The following C2CD5 variants were observed in gnomAD, a reference collection of about 807,000 sequenced individuals.
C2CD5 encodes C2 calcium dependent domain containing 5.
In C2CD5, 109 loss-of-function variants were observed where a neutral mutation model predicts 130.3. The observed-to-expected ratio is 0.84, with a 90% CI of 0.72 to 0.98. C2CD5 has a LOEUF of 0.98. Ranked by LOEUF, C2CD5 falls within the 50% of genes least tolerant of loss-of-function variation. The pLI, the probability that C2CD5 is intolerant of heterozygous loss-of-function variation, is 0.00. For missense variants in C2CD5, 996 were observed against 1,261.8 expected (o/e 0.79, Z 3.19); for synonymous variants, 454 against 429.2 (o/e 1.06, Z -0.71).
In C2CD5 at chr12:22,453,929, C is replaced by T. The variant is rs761577672; in HGVS notation, c.2991G>A (p.Gln997=). The T allele has an allele frequency of 1.9e-6, 3 of 1,613,426 alleles. No individual in the cohort carries two copies. The highest frequency in any genetic ancestry group is 1.1e-5 in the South Asian group (1 of 91,024). Residue 997 remains glutamine (Q), a synonymous_variant, in exon 26 of 27, where the codon CAG becomes CAA. Coordinates refer to ENST00000446597, the MANE Select transcript of C2CD5 (RefSeq NM_001286176.2). ...TATTTGGATTCTCCATGAAGACACA[C>T]TGCTTCATTATGTAGGAGACAACAG... The part of the protein sequence containing the change: ...GNAVVSYIMK[Q]CVFMENPNKN...
chr12:22,497,907 TACACACACACACAC>T (rs3063916), intron 10 of C2CD5, among the ~76,000 whole-genome samples: 3,473 of 145,724 alleles, frequency 0.024, 127 homozygotes, highest in African/African-American at 0.081. Context: ...TGCACACACA[TACACACACACACAC>T]ACACACACAC....
At chr12:22,528,487 T>C (rs1279008211) in intron 3 of C2CD5, among the ~76,000 whole-genome samples, 11 of 152,176 alleles carry the variant, frequency 7.2e-5, no homozygotes, top group Non-Finnish European at 5.9e-5. Context: ...TGCAAAATGA[T>C]TTCCTCATGG....
intron 22 of C2CD5, among the ~76,000 whole-genome samples, chr12:22,466,833 G>A (rs1254691826): frequency 6.6e-6 from 1 of 152,218 alleles, no homozygotes; most frequent in Admixed American, 6.5e-5. Flanking sequence ...ACTTAGTATA[G>A]AAAGTTTTAC....
At chr12:22,523,855 TATAGA>T (rs1950493663) in intron 6 of C2CD5, among the ~76,000 whole-genome samples, 1 of 151,404 alleles carries the variant, frequency 6.6e-6, no homozygotes, top group African/African-American at 2.4e-5. Context: ...AGCACAAATA[TATAGA>T]ATAAAAACAA....
intron 13 of C2CD5, among the ~76,000 whole-genome samples, chr12:22,483,798 G>C (rs553330954): frequency 6.6e-6 from 1 of 152,220 alleles, no homozygotes; most frequent in South Asian, 2.1e-4. Context: ...ACTGGATAGA[G>C]AAAGGTACCA....
rs1241004571 is a variant in C2CD5, at chr12:22,490,105, C to T, written c.1358+18G>A. ...CTTCTCTGCCCTTATAGAAAATAAG[C>T]CAGGCTGCCATGACAACCTCTGTTC... On this transcript the variant is annotated intron_variant, in intron 12 of 26. Coordinates refer to ENST00000446597, the MANE Select transcript of C2CD5 (RefSeq NM_001286176.2). The T allele has an allele frequency of 3.1e-6, 5 of 1,588,566 alleles. No homozygotes were observed. The South Asian group carries it at 5.5e-5, about 18-fold the overall frequency.
At chr12:22,471,666 A>G (rs551700712) in intron 19 of C2CD5, among the ~76,000 whole-genome samples, 178 bp from the exon 20 acceptor site, 27 of 152,174 alleles carry the variant, frequency 1.8e-4, no homozygotes, top group African/African-American at 6.5e-4. Flanking sequence ...TAAGTAGACA[A>G]TAAGATTTAA....
intron 11 of C2CD5, among the ~76,000 whole-genome samples, chr12:22,491,258 C>A (rs1946312386): frequency 6.6e-6 from 1 of 152,198 alleles, no homozygotes; most frequent in East Asian, 1.9e-4. Context: ...TTTGCAGACT[C>A]CTCCATCTGT....
intron 13 of C2CD5, among the ~76,000 whole-genome samples, chr12:22,483,701 GA>G (rs1945054382): frequency 6.6e-6 from 1 of 152,108 alleles, no homozygotes; most frequent in East Asian, 1.9e-4. Flanking sequence ...CATTTTAGAA[GA>G]AAAATCAACG....
At chr12:22,451,442 C>G (rs1263589118) in intron 26 of C2CD5, among the ~76,000 whole-genome samples, 1 of 152,020 alleles carries the variant, frequency 6.6e-6, no homozygotes, top group Non-Finnish European at 1.5e-5. Flanking sequence ...TATGCAAGAT[C>G]TCACATAAAA....
At chr12:22,470,284 A>T (rs1044878415) in intron 21 of C2CD5, among the ~76,000 whole-genome samples, 1 of 152,232 alleles carries the variant, frequency 6.6e-6, no homozygotes, top group Admixed American at 6.5e-5. Flanking sequence ...TTAGCCAGTA[A>T]ATCATTCAAA....
chr12:22,448,804 T>C lies in C2CD5; in HGVS notation c.*956A>G, dbSNP rs1258947055. On this transcript the variant is annotated 3_prime_UTR_variant, in exon 27 of 27. Transcript: ENST00000446597. ...GGCGTCGACAGAAAAAGTCTTTCTATGTATACATTCAACATTTTGCAGCAT... is the reference window on the plus strand; with the variant it reads ...GGCGTCGACAGAAAAAGTCTTTCTACGTATACATTCAACATTTTGCAGCAT... 1.3e-5 allele frequency: 2 copies of C among 152,620 alleles called. No homozygotes were observed. The highest frequency in any genetic ancestry group is 2.9e-5 in the Non-Finnish European group (2 of 68,034). The allele number at this position is 152,620 out of a possible 1,614,324, so 9.5% of individuals were successfully genotyped here.
chr12:22,510,491 G>A (rs895345861), intron 9 of C2CD5, among the ~76,000 whole-genome samples: 15 of 152,104 alleles, frequency 9.9e-5, no homozygotes, highest in African/African-American at 3.6e-4. Flanking sequence ...ATTTAAATAG[G>A]ATTTTTCTTA....
chr12:22,513,585 AC>A (rs1348792006), intron 8 of C2CD5, among the ~76,000 whole-genome samples: 8 of 151,922 alleles, frequency 5.3e-5, no homozygotes, highest in Admixed American at 6.6e-5. Context: ...AGCCCTACTG[AC>A]CCCAGCTAGT....
At chr12:22,471,520 T>C (rs751727549) in intron 19 of C2CD5, 32 bp from the exon 20 acceptor site, 2 of 1,267,212 alleles carry the variant, frequency 1.6e-6, no homozygotes, top group East Asian at 4.8e-5. Context: ...TAATGTCACT[T>C]TTTTATTTAA....
rs1391880027 is a variant in C2CD5 at position 22,478,336 on chromosome 12, CTT to C, written c.1877_1878del (p.Lys626ArgfsTer4). 6.2e-7 allele frequency: 1 copy of C among 1,612,452 alleles called. No individual in the cohort carries two copies. Among genetic ancestry groups the C allele is most frequent in the African/African-American group, 1.3e-5 (1 of 74,860 alleles). The part of the protein sequence containing the change: ...KKINDTIAKN[K>X]ELYEINPPEI... Reference sequence around the variant, plus strand: ...ACTGGAGGATTGATTTCATATAACTCTTTGTTTTTAGCAATTGTGTCATTTAT... The same window carrying C: ...ACTGGAGGATTGATTTCATATAACTCTGTTTTTAGCAATTGTGTCATTTAT... On this transcript the variant is annotated frameshift_variant, in exon 15 of 27. Transcript: ENST00000446597. LOFTEE classifies it high-confidence loss of function.
chr12:22,530,270 A>G (rs573550337), intron 3 of C2CD5, among the ~76,000 whole-genome samples: 1 of 149,284 alleles, frequency 6.7e-6, no homozygotes, highest in South Asian at 2.1e-4. Flanking sequence ...GTATATATAT[A>G]TACACAACTG....
intron 12 of C2CD5, among the ~76,000 whole-genome samples, chr12:22,486,368 C>T (rs1323012484): frequency 6.6e-6 from 1 of 152,120 alleles, no homozygotes; most frequent in Non-Finnish European, 1.5e-5. Context: ...AGCTTTAATC[C>T]TAATCCAGTT....
intron 24 of C2CD5, among the ~76,000 whole-genome samples, chr12:22,457,752 T>TAA (rs1252010714): frequency 1.3e-5 from 2 of 152,164 alleles, no homozygotes; most frequent in East Asian, 3.9e-4. Flanking sequence ...GCCAGACATA[T>TAA]ATATATATAT....
Sources: gnomAD v4.1 joint callset for allele counts (sites outside exome capture counted in the v4.1 genomes callset) on GRCh38, gnomAD v4.1.1 for gene constraint, MANE v1.5 for transcripts, NCBI Gene and HGNC (gene_info 2026-07-23, HGNC 2026-07-21) for gene names.